The following ZNF385B variants were observed in gnomAD, a reference collection of about 807,000 sequenced individuals.
ZNF385B encodes zinc finger protein 533.
Under a neutral mutation model 39.2 loss-of-function variants are expected in ZNF385B, and 23 were observed. That is an observed-to-expected ratio of 0.59 (90% CI 0.42 to 0.83). ZNF385B has a LOEUF of 0.83. Ranked by LOEUF, ZNF385B falls within the 40% of genes least tolerant of loss-of-function variation. ZNF385B has a pLI of 0.00. For synonymous variants in ZNF385B, 205 were observed against 222.6 expected, an observed-to-expected ratio of 0.92 and a Z score of 0.70; for missense variants, 552 against 598.9, an observed-to-expected ratio of 0.92 and a Z score of 0.82.
intron 6 of ZNF385B, among the ~76,000 whole-genome samples, chr2:179,471,640 T>C (rs747041976): frequency 1.1e-4 from 17 of 152,200 alleles, no homozygotes; most frequent in Non-Finnish European, 1.9e-4. Context: ...AAAATTACAG[T>C]AGATATTAGA....
chr2:179,777,769 G>GT (rs71029831), intron 1 of ZNF385B, among the ~76,000 whole-genome samples: 41,013 of 143,630 alleles, frequency 0.29, 5,886 homozygotes, highest in Admixed American at 0.34. Context: ...ATATCAAGAG[G>GT]TTTTTTTTTT....
intron 3 of ZNF385B, among the ~76,000 whole-genome samples, chr2:179,576,462 C>T (rs1025540729): frequency 6.6e-6 from 1 of 152,174 alleles, no homozygotes; most frequent in Non-Finnish European, 1.5e-5. Flanking sequence ...TTTACACTAA[C>T]ATGGCCTACA....
At chr2:179,854,649 T>G (rs913439015) in intron 1 of ZNF385B, among the ~76,000 whole-genome samples, 1 of 152,166 alleles carries the variant, frequency 6.6e-6, no homozygotes, top group Non-Finnish European at 1.5e-5. Flanking sequence ...CAGATGGACC[T>G]CTTTAACTAA....
In ZNF385B at chr2:179,446,646, G is replaced by A. The variant is rs2049512581; in HGVS notation, c.840C>T (p.Ser280=). 1 of 1,613,914 alleles carries A rather than the reference G, an allele frequency of 6.2e-7. No individual in the cohort carries two copies. The highest frequency in any genetic ancestry group is 1.7e-5 in the Admixed American group (1 of 59,984). ...CAACAGTACCGGGAGCTCCATTTGT[G>A]CTCTTGGAGGGAGAAGTGGCTGCTC... is the stretch of plus-strand genomic sequence containing the variant. ...PPGAATSPSK[S]TNGAPGTVVE... The change falls in exon 7 of 10, where the codon AGC becomes AGT. Residue 280 remains serine (S), a synonymous_variant. Coordinates refer to ENST00000410066, the MANE Select transcript of ZNF385B (RefSeq NM_152520.6).
chr2:179,726,934 T>G (rs1022811528), intron 3 of ZNF385B, among the ~76,000 whole-genome samples: 1 of 152,096 alleles, frequency 6.6e-6, no homozygotes, highest in African/African-American at 2.4e-5. Context: ...AGCTAGTTAA[T>G]GAAGAATGGA....
chr2:179,599,501 T>G (rs1475324716), intron 3 of ZNF385B, among the ~76,000 whole-genome samples: 3 of 152,236 alleles, frequency 2.0e-5, no homozygotes, highest in Non-Finnish European at 4.4e-5. Flanking sequence ...TTCATTAAAA[T>G]AACTTAAAAA....
intron 3 of ZNF385B, among the ~76,000 whole-genome samples, chr2:179,672,514 A>C (rs13408749): frequency 6.6e-6 from 1 of 151,910 alleles, no homozygotes; most frequent in Non-Finnish European, 1.5e-5. Context: ...GAGGAGTGAG[A>C]GGTAGAATGC....
At chr2:179,592,531 C>A (rs1053259355) in intron 3 of ZNF385B, among the ~76,000 whole-genome samples, 4 of 152,146 alleles carry the variant, frequency 2.6e-5, no homozygotes, top group African/African-American at 9.7e-5. Flanking sequence ...AGCAGGAACT[C>A]ACAGCAAATT....
intron 3 of ZNF385B, among the ~76,000 whole-genome samples, chr2:179,656,563 T>C (rs751374221): frequency 1.3e-5 from 2 of 152,182 alleles, no homozygotes; most frequent in Non-Finnish European, 1.5e-5. Flanking sequence ...CAGGCATCAG[T>C]TCCTTCCTAC....
At chr2:179,590,704 G>T (rs529373129) in intron 3 of ZNF385B, among the ~76,000 whole-genome samples, 198 of 152,132 alleles carry the variant, frequency 1.3e-3, no homozygotes, top group African/African-American at 4.6e-3. Flanking sequence ...TCATGGGGGT[G>T]GTTTCCCCCA....
chr2:179,750,670 A>G (rs1333488965), intron 3 of ZNF385B, among the ~76,000 whole-genome samples: 1 of 152,122 alleles, frequency 6.6e-6, no homozygotes, highest in Non-Finnish European at 1.5e-5. Flanking sequence ...TATCCAATAC[A>G]TGGATTGTAT....
chr2:179,760,277 G>A (rs915260481), intron 3 of ZNF385B, among the ~76,000 whole-genome samples: 1 of 150,444 alleles, frequency 6.6e-6, no homozygotes, highest in African/African-American at 2.4e-5. Context: ...GTAGATTCAT[G>A]TATCCCCCAC....
intron 4 of ZNF385B, among the ~76,000 whole-genome samples, chr2:179,521,419 C>T (rs183893756): frequency 1.4e-5 from 2 of 138,546 alleles, no homozygotes; most frequent in African/African-American, 5.4e-5. Context: ...AGGCTGGTCT[C>T]GAACTCCTGA....
chr2:179,722,843 A>G (rs1001982125), intron 3 of ZNF385B, among the ~76,000 whole-genome samples: 8 of 152,170 alleles, frequency 5.3e-5, no homozygotes, highest in African/African-American at 1.9e-4. Context: ...GCTCTACTAT[A>G]TGACTACTAC....
At position 179,851,791 on chromosome 2, in the gene ZNF385B, A is replaced by C. The variant is rs574391179; in HGVS notation, c.-155+9310T>G. 4.6e-5 allele frequency among the ~76,000 whole-genome samples: 7 copies of C among 152,318 alleles called. No individual in the cohort carries two copies. The East Asian group carries it at 1.3e-3, about 29-fold the overall frequency. On this transcript the variant is annotated intron_variant, in intron 1 of 9. Coordinates refer to ENST00000410066, the MANE Select transcript of ZNF385B (RefSeq NM_152520.6). ...GATCTACAGAAGTACACACTGAAGG[A>C]CTCAGAAGAATTGTTACCCATACAC... is the stretch of plus-strand genomic sequence containing the variant.
intron 4 of ZNF385B, among the ~76,000 whole-genome samples, chr2:179,542,013 C>T (rs1332250116): frequency 6.6e-6 from 1 of 152,170 alleles, no homozygotes; most frequent in Non-Finnish European, 1.5e-5. Context: ...CAAAGTGTTT[C>T]AAGGTCTAAG....
At chr2:179,845,890 G>T (rs933655387) in intron 1 of ZNF385B, among the ~76,000 whole-genome samples, 10 of 152,158 alleles carry the variant, frequency 6.6e-5, no homozygotes, top group African/African-American at 2.2e-4. Flanking sequence ...TAATTATCGG[G>T]ACACTATTAA....
At chr2:179,760,050 A>T (rs1170933493) in intron 3 of ZNF385B, among the ~76,000 whole-genome samples, 17 of 145,048 alleles carry the variant, frequency 1.2e-4, no homozygotes, top group African/African-American at 1.8e-4. Flanking sequence ...CATAGTAAAA[A>T]TTTTTTTTTT....
At chr2:179,739,408 T>C (rs1701957904) in intron 3 of ZNF385B, among the ~76,000 whole-genome samples, 1 of 152,204 alleles carries the variant, frequency 6.6e-6, no homozygotes, top group Admixed American at 6.5e-5. Context: ...GCCAAGTCTT[T>C]TGAGTCTTAA....
Sources: allele counts gnomAD v4.1 joint callset (sites outside exome capture counted in the v4.1 genomes callset), GRCh38; gene constraint gnomAD v4.1.1; transcripts MANE v1.5; gene names NCBI Gene and HGNC (gene_info 2026-07-23, HGNC 2026-07-21).